Variants in FILIP1L observed in about 807,000 individuals in gnomAD.
FILIP1L encodes filamin A-interacting protein 1-like.
FILIP1L carries 55 observed loss-of-function variants against 96.6 expected under a neutral mutation model. The ratio of observed to expected loss-of-function variants is 0.57; its 90% CI spans 0.46 to 0.71. FILIP1L has a LOEUF of 0.71. Among genes scored for constraint, FILIP1L ranks in the 30% least tolerant of loss-of-function variants. The pLI, the probability that FILIP1L is intolerant of heterozygous loss-of-function variation, is 0.00. For synonymous variants in FILIP1L, 467 were observed against 473.9 expected (o/e 0.99, Z 0.19); for missense variants, 1,304 against 1,321.2 (o/e 0.99, Z 0.20).
intron 1 of FILIP1L, among the ~76,000 whole-genome samples, chr3:99,965,470 A>G (rs1036152842): frequency 5.3e-5 from 8 of 152,210 alleles, no homozygotes; most frequent in African/African-American, 1.7e-4. Flanking sequence ...GACCTTTGGA[A>G]TTGAGATAAA....
intron 1 of FILIP1L, among the ~76,000 whole-genome samples, chr3:100,015,301 T>C (rs561283003): frequency 6.6e-6 from 1 of 152,334 alleles, no homozygotes; most frequent in African/African-American, 2.4e-5. Context: ...TATAGCTTTA[T>C]AGTGTATTTT....
At chr3:100,016,606 C>G (rs1050227100) in intron 1 of FILIP1L, among the ~76,000 whole-genome samples, 2 of 152,212 alleles carry the variant, frequency 1.3e-5, no homozygotes, top group African/African-American at 4.8e-5. Flanking sequence ...GACCTTGAAA[C>G]TAAAATACTT....
intron 5 of FILIP1L, among the ~76,000 whole-genome samples, chr3:99,831,111 G>A (rs1453131216): frequency 3.3e-5 from 5 of 152,202 alleles, no homozygotes; most frequent in African/African-American, 1.2e-4. Context: ...CTAGGATGTA[G>A]AGAGGCAGTC....
chr3:99,967,278 A>C (rs1708682338), intron 1 of FILIP1L, among the ~76,000 whole-genome samples: 1 of 152,272 alleles, frequency 6.6e-6, no homozygotes, highest in African/African-American at 2.4e-5. Flanking sequence ...TACTTACCTC[A>C]TGAGGTTATT....
chr3:99,892,923 T>C (rs1706131083), intron 4 of FILIP1L, among the ~76,000 whole-genome samples: 1 of 152,206 alleles, frequency 6.6e-6, no homozygotes, highest in Admixed American at 6.5e-5. Context: ...TATTGGCCTG[T>C]ATTTTTCTTC....
chr3:99,948,554 A>G (rs1708080439), intron 1 of FILIP1L, among the ~76,000 whole-genome samples: 1 of 139,022 alleles, frequency 7.2e-6, no homozygotes, highest in Non-Finnish European at 1.5e-5. Context: ...GGGGAGGGGG[A>G]GAAGAAGGAG....
chr3:100,068,784 T>A (rs1187611087), intron 1 of FILIP1L, among the ~76,000 whole-genome samples: 1 of 152,170 alleles, frequency 6.6e-6, no homozygotes, highest in Non-Finnish European at 1.5e-5. Context: ...CCCACCACCA[T>A]GCCCAGCTAA....
intron 1 of FILIP1L, among the ~76,000 whole-genome samples, chr3:100,105,503 G>A (rs2066379847): frequency 6.6e-6 from 1 of 152,126 alleles, no homozygotes; most frequent in African/African-American, 2.4e-5. Context: ...GGGACTTCCA[G>A]GAAGGTTCAG....
chr3:100,041,995 T>G (rs1376941280), intron 1 of FILIP1L, among the ~76,000 whole-genome samples: 2 of 152,216 alleles, frequency 1.3e-5, no homozygotes, highest in East Asian at 3.8e-4. Flanking sequence ...TTCAGCTATA[T>G]GATCTGAGTC....
intron 1 of FILIP1L, among the ~76,000 whole-genome samples, chr3:100,110,874 T>G (rs1207066299): frequency 6.6e-6 from 1 of 152,172 alleles, no homozygotes; most frequent in Admixed American, 6.6e-5. Context: ...TGACAATGTT[T>G]TATGTTGCTA....
intron 1 of FILIP1L, among the ~76,000 whole-genome samples, chr3:100,037,199 G>A (rs1395709302): frequency 6.6e-6 from 1 of 152,166 alleles, no homozygotes; most frequent in Non-Finnish European, 1.5e-5. Flanking sequence ...TGTGGAGTAA[G>A]TGAATTTCTT....
At chr3:99,959,439 C>T (rs767045538) in intron 1 of FILIP1L, among the ~76,000 whole-genome samples, 1 of 152,130 alleles carries the variant, frequency 6.6e-6, no homozygotes, top group Non-Finnish European at 1.5e-5. Flanking sequence ...CGTGAGCCAC[C>T]GGGCCTGGCC....
At chr3:99,984,810 T>C (rs975302160) in intron 1 of FILIP1L, among the ~76,000 whole-genome samples, 52 of 152,212 alleles carry the variant, frequency 3.4e-4, no homozygotes, top group African/African-American at 1.1e-3. Flanking sequence ...AAGGATCATA[T>C]TCAGCTAATG....
intron 1 of FILIP1L, among the ~76,000 whole-genome samples, chr3:100,068,426 T>C (rs990903096): frequency 2.0e-5 from 3 of 152,042 alleles, no homozygotes; most frequent in African/African-American, 7.2e-5. Context: ...CACATTTAAC[T>C]ACAAAACATC....
intron 1 of FILIP1L, among the ~76,000 whole-genome samples, chr3:100,057,387 G>A (rs1428518256): frequency 6.6e-6 from 1 of 152,090 alleles, no homozygotes; most frequent in Non-Finnish European, 1.5e-5. Context: ...ATATCATCAA[G>A]GAAAAAGGCC....
intron 4 of FILIP1L, among the ~76,000 whole-genome samples, chr3:99,890,415 C>A (rs1337365982): frequency 6.6e-6 from 1 of 152,054 alleles, no homozygotes; most frequent in Non-Finnish European, 1.5e-5. Context: ...CTAGAAAATT[C>A]TTAGTTTATA....
chr3:99,872,434 T>C (rs79807602), intron 4 of FILIP1L, among the ~76,000 whole-genome samples: 1 of 152,034 alleles, frequency 6.6e-6, no homozygotes, highest in African/African-American at 2.4e-5. Flanking sequence ...TGCTTTCTTT[T>C]GCTGATAATA....
intron 1 of FILIP1L, among the ~76,000 whole-genome samples, chr3:99,967,226 C>A (rs774261629): frequency 3.3e-5 from 5 of 152,168 alleles, no homozygotes; most frequent in Non-Finnish European, 7.4e-5. Context: ...AGCAAATCAG[C>A]TGATTTCTCT....
rs529697521 is a variant in FILIP1L at position 99,945,964 on chromosome 3, C to G, written c.-10-14934G>C. Among the ~76,000 whole-genome samples the G allele has an allele frequency of 3.9e-5, 6 of 152,346 alleles. No homozygotes were observed. The South Asian group carries it at 8.3e-4, about 21-fold the overall frequency. On this transcript the variant is annotated intron_variant, in intron 1 of 5. Coordinates refer to ENST00000477258, the MANE Select transcript of FILIP1L (RefSeq NM_001387850.1). ...AACTCATTCATAGCTGTTTTCATAT[C>G]CTCTGCCTAGCAGCTCTTTTGTGAG... is the stretch of plus-strand genomic sequence containing the variant.
Sources: allele counts gnomAD v4.1 joint callset (sites outside exome capture counted in the v4.1 genomes callset), GRCh38; gene constraint gnomAD v4.1.1; transcripts MANE v1.5; gene names NCBI Gene and HGNC (gene_info 2026-07-23, HGNC 2026-07-21).